SLC35D1: variants seen among roughly 807,000 people sequenced by gnomAD.
The protein encoded by SLC35D1 is solute carrier family 35 member D1.
Under a neutral mutation model 46.7 loss-of-function variants are expected in SLC35D1, and 31 were observed. That is an observed-to-expected ratio of 0.66 (90% CI 0.50 to 0.90). The LOEUF (loss-of-function observed/expected upper bound fraction) is 0.90. SLC35D1 is among the 40% of genes least tolerant of loss of function. SLC35D1 has a pLI of 0.00. For synonymous variants in SLC35D1, 195 were observed against 164.6 expected (o/e 1.18, Z -1.41); for missense variants, 397 against 426.2 (o/e 0.93, Z 0.60).
chr1:67,042,728 A>G (rs1645205565), intron 7 of SLC35D1, among the ~76,000 whole-genome samples: 1 of 152,204 alleles, frequency 6.6e-6, no homozygotes, highest in Non-Finnish European at 1.5e-5. Context: ...AAGACTGAGT[A>G]TGTCTTGGGC....
chr1:67,029,056 C>T (rs1667969548), intron 8 of SLC35D1, among the ~76,000 whole-genome samples: 1 of 152,164 alleles, frequency 6.6e-6, no homozygotes, highest in Admixed American at 6.5e-5. Context: ...TCCATCATGG[C>T]TAGGAAATGA....
At chr1:67,025,348 C>T (rs1667895709) in intron 8 of SLC35D1, among the ~76,000 whole-genome samples, 1 of 152,190 alleles carries the variant, frequency 6.6e-6, no homozygotes, top group East Asian at 1.9e-4. Flanking sequence ...ATCTTTTCCT[C>T]ATTGATCTAT....
At chr1:66,986,154 T>C in the SLC35D1 span, 2 of 1,183,468 alleles carry the variant, frequency 1.7e-6, no homozygotes, top group East Asian at 4.2e-5. Context: ...TTGAAAACTT[T>C]TCAAACTTTT....
chr1:67,021,329 T>C (rs1219043517), intron 9 of SLC35D1, among the ~76,000 whole-genome samples: 1 of 152,158 alleles, frequency 6.6e-6, no homozygotes, highest in African/African-American at 2.4e-5. Context: ...AGGTAAATTT[T>C]TTCTTTTCTT....
chr1:66,981,656 C>G, the SLC35D1 span: 1 of 695,200 alleles, frequency 1.4e-6, no homozygotes, highest in East Asian at 2.8e-5. Context: ...ATAGATGAAG[C>G]ACTGGAATGA....
intron 10 of SLC35D1, among the ~76,000 whole-genome samples, chr1:67,019,639 C>A (rs564032381): frequency 6.6e-6 from 1 of 152,092 alleles, no homozygotes; most frequent in Non-Finnish European, 1.5e-5. Flanking sequence ...GGGTAATGGC[C>A]CTCTTTTCCC....
chr1:67,052,990 C>A lies in SLC35D1; in HGVS notation c.204-1G>T. The stretch of plus-strand genomic sequence containing the variant: ...TCCAACACATAGTGAGGAGGGAAAT[C>A]TACAAAAAGGGCAAAGAAAAAAACA... On this transcript the variant is annotated splice_acceptor_variant, in intron 1 of 11. Coordinates refer to ENST00000235345, the MANE Select transcript of SLC35D1 (RefSeq NM_015139.3). LOFTEE classifies it high-confidence loss of function. 9 of 1,613,842 alleles carry A rather than the reference C, an allele frequency of 5.6e-6. No individual in the cohort carries two copies. The highest frequency in any genetic ancestry group is 6.8e-6 in the Non-Finnish European group (8 of 1,180,010).
At chr1:66,983,133 T>G in the SLC35D1 span, among the ~76,000 whole-genome samples, 120 of 152,184 alleles carry the variant, frequency 7.9e-4, no homozygotes, top group Non-Finnish European at 1.4e-3. Context: ...CACTCAACAT[T>G]ACGTACAGTC....
intron 8 of SLC35D1, among the ~76,000 whole-genome samples, chr1:67,025,231 A>G (rs1334852860): frequency 6.6e-6 from 1 of 152,206 alleles, no homozygotes; most frequent in Non-Finnish European, 1.5e-5. Context: ...AATTTAACCT[A>G]TAACACTTTC....
At chr1:66,992,753 G>C in the SLC35D1 span, among the ~76,000 whole-genome samples, 1 of 152,236 alleles carries the variant, frequency 6.6e-6, no homozygotes, top group Non-Finnish European at 1.5e-5. Context: ...TTCATCATAA[G>C]ATGGCAGCAC....
chr1:67,031,652 C>T (rs533506136), intron 8 of SLC35D1, among the ~76,000 whole-genome samples: 1 of 152,180 alleles, frequency 6.6e-6, no homozygotes, highest in Admixed American at 6.5e-5. Context: ...AGTTCTAATT[C>T]TAACTGCCAT....
chr1:67,006,606 A>C (rs985620244), intron 11 of SLC35D1, among the ~76,000 whole-genome samples: 7 of 152,220 alleles, frequency 4.6e-5, no homozygotes, highest in Admixed American at 3.3e-4. Flanking sequence ...GGATAGAAGA[A>C]GACAAAGAAT....
intron 6 of SLC35D1, among the ~76,000 whole-genome samples, chr1:67,048,703 T>A (rs957708881): frequency 6.6e-6 from 1 of 152,220 alleles, no homozygotes; most frequent in Non-Finnish European, 1.5e-5. Context: ...AGTAAATACA[T>A]ATATGCATGC....
At chr1:66,973,762 G>A in the SLC35D1 span, among the ~76,000 whole-genome samples, 1 of 152,074 alleles carries the variant, frequency 6.6e-6, no homozygotes, top group Non-Finnish European at 1.5e-5. Context: ...GAGATTAAAT[G>A]TAGGAAATTA....
At chr1:67,035,145 T>C (rs2862729) in intron 8 of SLC35D1, among the ~76,000 whole-genome samples, 91,089 of 151,634 alleles carry the variant, frequency 0.6, 28,790 homozygotes, top group East Asian at 0.84. Flanking sequence ...TGTGTGTGTG[T>C]GCGCGCGTGT....
At chr1:66,983,468 C>T in the SLC35D1 span, among the ~76,000 whole-genome samples, 1 of 150,746 alleles carries the variant, frequency 6.6e-6, no homozygotes, top group Non-Finnish European at 1.5e-5. Context: ...CAGTGATGCA[C>T]CCTATATTTT....
At position 67,000,943 on chromosome 1, in the gene SLC35D1, A is replaced by C. The variant is rs1430436877; in HGVS notation, c.*3397T>G. 6.6e-6 allele frequency: 1 copy of C among 152,340 alleles called. No individual in the cohort carries two copies. Among genetic ancestry groups the C allele is most frequent in the African/African-American group, 2.4e-5 (1 of 41,452 alleles). The allele number at this position is 152,340 out of a possible 1,614,324, so 9.4% of individuals were successfully genotyped here. On this transcript the variant is annotated 3_prime_UTR_variant, in exon 12 of 12. Transcript: ENST00000235345. ...GGCGTCCCTAAAATCAGTGATACTCATAACCATGCAGGCAGCTCTTGGTTA... is the reference window on the plus strand; with the variant it reads ...GGCGTCCCTAAAATCAGTGATACTCCTAACCATGCAGGCAGCTCTTGGTTA...
chr1:66,994,149 G>A, the SLC35D1 span, among the ~76,000 whole-genome samples: 2 of 152,204 alleles, frequency 1.3e-5, no homozygotes, highest in Middle Eastern at 3.2e-3. Context: ...CTCAGCCCTA[G>A]CACAGGTGGG....
chr1:67,049,245 G>C (rs768245275), intron 6 of SLC35D1, among the ~76,000 whole-genome samples: 2 of 150,822 alleles, frequency 1.3e-5, no homozygotes, highest in Non-Finnish European at 2.9e-5. Context: ...AGTGAGCCGA[G>C]AGCCCACTAC....
Sources: gnomAD v4.1 joint callset for allele counts (sites outside exome capture counted in the v4.1 genomes callset) on GRCh38, gnomAD v4.1.1 for gene constraint, MANE v1.5 for transcripts, NCBI Gene and HGNC (gene_info 2026-07-23, HGNC 2026-07-21) for gene names.